VEZT: variants seen among roughly 807,000 people sequenced by gnomAD.
The protein encoded by VEZT is vezatin, adherens junctions transmembrane protein.
VEZT carries 39 observed loss-of-function variants against 79.9 expected under a neutral mutation model. The observed-to-expected ratio is 0.49, with a 90% CI of 0.38 to 0.64. VEZT has a LOEUF of 0.64. Among genes scored for constraint, VEZT ranks in the 30% least tolerant of loss-of-function variants. The pLI is 0.00. For missense variants in VEZT, 837 were observed against 893.1 expected, an observed-to-expected ratio of 0.94 and a Z score of 0.80; for synonymous variants, 325 against 327.6, an observed-to-expected ratio of 0.99 and a Z score of 0.09.
At chr12:95,295,224 G>A (rs992047501) in intron 10 of VEZT, among the ~76,000 whole-genome samples, 4 of 152,124 alleles carry the variant, frequency 2.6e-5, no homozygotes, top group Non-Finnish European at 4.4e-5. Flanking sequence ...GCAGGGGCGC[G>A]ATCTCGGCTC....
intron 1 of VEZT, among the ~76,000 whole-genome samples, chr12:95,249,693 T>C (rs2062217750): frequency 6.6e-6 from 1 of 152,196 alleles, no homozygotes; most frequent in Admixed American, 6.5e-5. Flanking sequence ...TCTTGGTCTA[T>C]CTTAGGTATC....
chr12:95,236,516 G>C (rs2060216265), intron 1 of VEZT, among the ~76,000 whole-genome samples: 1 of 152,018 alleles, frequency 6.6e-6, no homozygotes, highest in Admixed American at 6.5e-5. Context: ...TAGTCCCCAA[G>C]AATCTTTGCA....
intron 6 of VEZT, among the ~76,000 whole-genome samples, chr12:95,274,334 C>T (rs4414302): frequency 0.068 from 10,287 of 152,024 alleles, 424 homozygotes; most frequent in South Asian, 0.11. Context: ...GGTGTGGTGG[C>T]GCATGCCTGT....
At chr12:95,242,121 A>T (rs924892535) in intron 1 of VEZT, 1 of 152,186 alleles carries the variant, frequency 6.6e-6, no homozygotes, top group African/African-American at 2.4e-5. Flanking sequence ...TTTAGATCTT[A>T]TCTATATTAA....
intron 3 of VEZT, 129 bp from the exon 4 acceptor site, chr12:95,262,777 C>G: frequency 1.3e-6 from 1 of 775,602 alleles, no homozygotes; most frequent in Non-Finnish European, 1.8e-6. Flanking sequence ...GTAGATTGGA[C>G]TGTTGTTTCT....
chr12:95,242,495 T>G (rs1047462923), intron 1 of VEZT, among the ~76,000 whole-genome samples: 2 of 152,196 alleles, frequency 1.3e-5, no homozygotes, highest in African/African-American at 4.8e-5. Context: ...TATTCACAAG[T>G]GTGATCATAG....
chr12:95,298,373 C>T (rs2074621131), intron 11 of VEZT, among the ~76,000 whole-genome samples: 2 of 152,092 alleles, frequency 1.3e-5, no homozygotes, highest in Non-Finnish European at 2.9e-5. Context: ...GATTGATTTC[C>T]TGCAATCTGT....
chr12:95,234,584 C>G (rs934026046), intron 1 of VEZT, among the ~76,000 whole-genome samples: 2 of 152,108 alleles, frequency 1.3e-5, no homozygotes, highest in Admixed American at 1.3e-4. Flanking sequence ...CATGAGCCAC[C>G]GCGCCAGGCT....
rs189619405 is a variant in VEZT at position 95,232,292 on chromosome 12, G to A, written c.36+14406G>A. Among the ~76,000 whole-genome samples the A allele has an allele frequency of 3.3e-5, 5 of 152,234 alleles. No individual in the cohort carries two copies. In the East Asian group the frequency reaches 9.6e-4, roughly 29 times the overall value. On this transcript the variant is annotated intron_variant, in intron 1 of 11. Transcript: ENST00000436874. ...TTTATTTTGAATTAAAGATCTTTTA[G>A]AGGTTCTGTTGGCATGGTAGAAACT...
intron 3 of VEZT, 129 bp from the exon 4 acceptor site, chr12:95,262,777 C>A: frequency 3.9e-6 from 3 of 775,600 alleles, no homozygotes; most frequent in South Asian, 8.1e-5. Flanking sequence ...GTAGATTGGA[C>A]TGTTGTTTCT....
At chr12:95,279,238 T>G (rs972726038) in intron 7 of VEZT, among the ~76,000 whole-genome samples, 2 of 152,216 alleles carry the variant, frequency 1.3e-5, no homozygotes, top group Non-Finnish European at 2.9e-5. Context: ...CCAGTGAGCA[T>G]TTCCTTTGAC....
intron 1 of VEZT, among the ~76,000 whole-genome samples, chr12:95,240,017 AAAGAAAGGAAGGAAGG>A (rs1468127605): frequency 2.7e-4 from 30 of 112,132 alleles, no homozygotes; most frequent in Admixed American, 1.5e-3. Flanking sequence ...AGAAAGAGAG[AAAGAAAGGAAGGAAGG>A]AAGGAAGGAA....
chr12:95,239,978 GA>G (rs2060710769), intron 1 of VEZT, among the ~76,000 whole-genome samples: 3 of 144,922 alleles, frequency 2.1e-5, no homozygotes, highest in South Asian at 2.3e-4. Context: ...GAGAGAGAGA[GA>G]GAGGAGAGAG....
chr12:95,294,595 C>G (rs2073741188), intron 10 of VEZT, among the ~76,000 whole-genome samples: 1 of 152,114 alleles, frequency 6.6e-6, no homozygotes, highest in African/African-American at 2.4e-5. Context: ...AAAATTAGTA[C>G]ATTGGCAAAG....
At chr12:95,224,887 A>G (rs1269438407) in intron 1 of VEZT, among the ~76,000 whole-genome samples, 2 of 152,208 alleles carry the variant, frequency 1.3e-5, no homozygotes, top group African/African-American at 2.4e-5. Context: ...ATCATCAGGC[A>G]TTAGTTAGAT....
intron 7 of VEZT, among the ~76,000 whole-genome samples, chr12:95,279,380 C>G (rs2068492964): frequency 6.6e-6 from 1 of 152,112 alleles, no homozygotes; most frequent in African/African-American, 2.4e-5. Flanking sequence ...AAGTTTTTAA[C>G]TAGTTTTTTA....
intron 1 of VEZT, among the ~76,000 whole-genome samples, chr12:95,240,021 A>AAGGAAGGAAGG (rs2060748690): frequency 2.5e-5 from 2 of 81,414 alleles, no homozygotes; most frequent in African/African-American, 1.1e-4. Flanking sequence ...AGAGAGAAAG[A>AAGGAAGGAAGG]AAGGAAGGAA....
At position 95,301,749 on chromosome 12, in the gene VEZT, C is replaced by T. The variant is rs2075234509; in HGVS notation, c.*1076C>T. 6.6e-6 allele frequency: 1 copy of T among 152,160 alleles called. No homozygotes were observed. Among genetic ancestry groups the T allele is most frequent in the African/African-American group, 2.4e-5 (1 of 41,446 alleles). The allele number at this position is 152,160 out of a possible 1,614,324, so 9.4% of individuals were successfully genotyped here. A position where few individuals can be genotyped will look rare whatever the true frequency, so the allele number is the denominator to read the frequency against. On this transcript the variant is annotated 3_prime_UTR_variant, in exon 12 of 12. Coordinates refer to ENST00000436874, the MANE Select transcript of VEZT (RefSeq NM_017599.4). ...TTATTTGGGGGAAATGTAGTAATAA[C>T]TCAATCTATGTTGCTGTCCTAGAAA...
chr12:95,270,457 C>T (rs2066374724), intron 6 of VEZT, among the ~76,000 whole-genome samples: 1 of 152,134 alleles, frequency 6.6e-6, no homozygotes, highest in Non-Finnish European at 1.5e-5. Context: ...AGAATGAAGT[C>T]GAAAGAGTCT....
Sources: allele counts gnomAD v4.1 joint callset (sites outside exome capture counted in the v4.1 genomes callset), GRCh38; gene constraint gnomAD v4.1.1; transcripts MANE v1.5; gene names NCBI Gene and HGNC (gene_info 2026-07-23, HGNC 2026-07-21).